GPN1: variants seen among roughly 807,000 people sequenced by gnomAD.
The protein encoded by GPN1 is GPN-loop GTPase 1.
In GPN1, 44 loss-of-function variants were observed where a neutral mutation model predicts 55.9. The ratio of observed to expected loss-of-function variants is 0.79; its 90% CI spans 0.62 to 1.01. GPN1 has a LOEUF of 1.01. GPN1 is among the 50% of genes least tolerant of loss of function. GPN1 has a pLI of 0.00. For missense variants in GPN1, 466 were observed against 462.8 expected, an observed-to-expected ratio of 1.01 and a Z score of -0.06; for synonymous variants, 179 against 162.5, an observed-to-expected ratio of 1.10 and a Z score of -0.77.
chr2:27,630,954 G>A, intron 2 of GPN1, 73 bp from the exon 3 acceptor site: 2 of 753,912 alleles, frequency 2.7e-6, no homozygotes, highest in Non-Finnish European at 4.8e-6. Flanking sequence ...AGGCTAGAAG[G>A]CCAGTTTTAC....
intron 12 of GPN1, among the ~76,000 whole-genome samples, chr2:27,646,406 A>G (rs747037646): frequency 5.9e-5 from 9 of 152,148 alleles, no homozygotes; most frequent in African/African-American, 1.2e-4. Context: ...GATTTTCTGG[A>G]CCGTTACATC....
chr2:27,633,344 C>T lies in GPN1; in HGVS notation c.350+674C>T, dbSNP rs144252020. On this transcript the variant is annotated intron_variant, in intron 5 of 13. Transcript: ENST00000610189. ...GTTTTGAGACAGGGTCTTGCTCTGT[C>T]GCCCAGGCTGGAGTACAGTGTAGTG... Among the ~76,000 whole-genome samples the T allele has an allele frequency of 7.8e-3, 1,192 of 152,240 alleles. 19 individuals carry two copies. Among genetic ancestry groups the T allele is most frequent in the African/African-American group, 0.024 (1,002 of 41,544 alleles).
Position 27,635,144 on chromosome 2 carries a change from C to T in GPN1, c.434C>T (p.Ser145Phe). The T allele has an allele frequency of 3.2e-6, 5 of 1,580,268 alleles. No homozygotes were observed. Among genetic ancestry groups the T allele is most frequent in the Non-Finnish European group, 4.3e-6 (5 of 1,151,674 alleles). ...SGTIITEALA[S>F]SFPTVVIYVM... ...TTGATTTTTTTGTGGCTTTAGGCAT[C>T]CTCATTTCCAACAGTTGTCATCTAT... Residue 145 changes from serine (S) to phenylalanine (F), a missense_variant, in exon 7 of 14, where the codon TCC becomes TTC. Ser to Phe is a radical substitution (Grantham distance 155). Transcript: ENST00000610189.
chr2:27,629,278 G>C, intron 1 of GPN1, 109 bp downstream of exon 1: 25 of 1,455,212 alleles, frequency 1.7e-5, no homozygotes, highest in Non-Finnish European at 2.4e-5. Context: ...CCGGCGCATG[G>C]CTTTCGGGGG....
intron 12 of GPN1, among the ~76,000 whole-genome samples, chr2:27,642,950 T>TACACACACACACACACAC (rs1375069534): frequency 1.3e-4 from 5 of 37,584 alleles, no homozygotes; most frequent in African/African-American, 2.7e-4. Flanking sequence ...GTTTTATATA[T>TACACACACACACACACAC]ATATATATAC....
intron 7 of GPN1, among the ~76,000 whole-genome samples, chr2:27,636,769 C>A (rs1413268523): frequency 6.6e-6 from 1 of 152,204 alleles, no homozygotes; most frequent in Non-Finnish European, 1.5e-5. Context: ...GCCACTGTGC[C>A]TGGCCCATTT....
At chr2:27,638,715 T>C (rs1460453626) in intron 8 of GPN1, among the ~76,000 whole-genome samples, 170 bp from the exon 9 acceptor site, 1 of 152,202 alleles carries the variant, frequency 6.6e-6, no homozygotes, top group Admixed American at 6.5e-5. Flanking sequence ...TTAATTACAC[T>C]GACTACACAA....
chr2:27,639,992 T>TA (rs754509288), intron 9 of GPN1, 51 bp from the exon 10 acceptor site: 2 of 1,175,476 alleles, frequency 1.7e-6, no homozygotes, highest in Non-Finnish European at 2.5e-6. Context: ...TGTACTTCAT[T>TA]AAAAAATATA....
rs910063077 is a variant in GPN1 at position 27,635,184 on chromosome 2, G to A, written c.474G>A (p.Ser158=). The change falls in exon 7 of 14, where the codon TCG becomes TCA. Residue 158 remains serine, a synonymous_variant. Coordinates refer to ENST00000610189, the MANE Select transcript of GPN1 (RefSeq NM_007266.4). ...PTVVIYVMDT[S]RSTNPVTFMS... is the part of the protein sequence containing the mutation. ...TTGTCATCTATGTAATGGACACATC[G>A]AGAAGTACCAACCCAGTGACCTTCA... is the stretch of plus-strand genomic sequence containing the variant. 6 of 1,606,436 alleles carry A rather than the reference G, an allele frequency of 3.7e-6. No homozygotes were observed. Among genetic ancestry groups the A allele is most frequent in the Non-Finnish European group, 4.3e-6 (5 of 1,173,632 alleles).
At position 27,640,721 on chromosome 2, in the gene GPN1, C is replaced by T. The variant is rs144558271; in HGVS notation, c.801-519C>T. On this transcript the variant is annotated intron_variant, in intron 10 of 13. Coordinates refer to ENST00000610189, the MANE Select transcript of GPN1 (RefSeq NM_007266.4). Reference sequence around the variant, plus strand: ...TTCCTTAGGCCTGTGGCATGATAGCCGGCTTATTAGTGTCATGTGTCTTTG... The same window carrying T: ...TTCCTTAGGCCTGTGGCATGATAGCTGGCTTATTAGTGTCATGTGTCTTTG... 5.6e-3 allele frequency among the ~76,000 whole-genome samples: 845 copies of T among 152,232 alleles called. 4 individuals carry two copies. The highest frequency in any genetic ancestry group is 6.8e-3 in the Admixed American group (104 of 15,292).
In GPN1 at chr2:27,642,409, AT is replaced by A; in HGVS notation, c.841-15del. 4 of 1,532,198 alleles carry A rather than the reference AT, an allele frequency of 2.6e-6. No individual in the cohort carries two copies. The highest frequency in any genetic ancestry group is 1.4e-5 in the African/African-American group (1 of 72,748). The allele number at this position is 1,532,198 out of a possible 1,614,324, so 94.9% of individuals were successfully genotyped here. A position where few individuals can be genotyped will look rare whatever the true frequency, so the allele number is the denominator to read the frequency against. ...GGGACTCCTTTTTGAATATGATGAC[AT>A]TTTTCTCTGTATATACAGGCCAACG... On this transcript the variant is annotated intron_variant, in intron 11 of 13. Coordinates refer to ENST00000610189, the MANE Select transcript of GPN1 (RefSeq NM_007266.4).
Position 27,629,052 on chromosome 2 carries a change from G to A in GPN1, c.-7G>A, listed in dbSNP as rs771357484. ...TCTATGGTCGGGTGGGTGGGGCCAG[G>A]AGGAAGATGGCGGCGTCCGCAGCTG... On this transcript the variant is annotated 5_prime_UTR_variant, in exon 1 of 14. Coordinates refer to ENST00000610189, the MANE Select transcript of GPN1 (RefSeq NM_007266.4). 1.9e-5 allele frequency: 31 copies of A among 1,614,076 alleles called. No individual in the cohort carries two copies. The highest frequency in any genetic ancestry group is 2.5e-5 in the Non-Finnish European group (29 of 1,180,042).
intron 5 of GPN1, among the ~76,000 whole-genome samples, chr2:27,634,159 T>A (rs1673647495): frequency 6.6e-6 from 1 of 152,194 alleles, no homozygotes; most frequent in South Asian, 2.1e-4. Context: ...CTAATGATAT[T>A]GAACATCTTT....
At chr2:27,639,500 G>A (rs2148072177) in intron 9 of GPN1, among the ~76,000 whole-genome samples, 1 of 152,202 alleles carries the variant, frequency 6.6e-6, no homozygotes, top group African/African-American at 2.4e-5. Flanking sequence ...TAATTGTTCA[G>A]TCCTAATTAT....
chr2:27,648,336 ATAGT>A (rs906643981), intron 13 of GPN1, among the ~76,000 whole-genome samples: 15 of 152,152 alleles, frequency 9.9e-5, no homozygotes, highest in African/African-American at 2.9e-4. Flanking sequence ...CCTGGGCAAC[ATAGT>A]TAGTCCCACT....
At position 27,647,925 on chromosome 2, in the gene GPN1, G is replaced by C. The variant is rs1188330500; in HGVS notation, c.1021G>C (p.Asp341His). 5.6e-6 allele frequency: 9 copies of C among 1,607,746 alleles called. No individual in the cohort carries two copies. Among genetic ancestry groups the C allele is most frequent in the Non-Finnish European group, 6.0e-6 (7 of 1,174,192 alleles). The change falls in exon 13 of 14, where the codon GAT becomes CAT. Residue 341 changes from aspartate (D) to histidine (H), a missense_variant. Coordinates refer to ENST00000610189, the MANE Select transcript of GPN1 (RefSeq NM_007266.4). Reference sequence around the variant, plus strand: ...GGATGAGGAAGCAGACAGCGATACTGATGACATTGACCACAGAGGTGAGAG... The same window carrying C: ...GGATGAGGAAGCAGACAGCGATACTCATGACATTGACCACAGAGGTGAGAG... ...EEDEEADSDT[D>H]DIDHRVTEES...
chr2:27,631,806 C>G, intron 3 of GPN1, 28 bp from the exon 4 acceptor site: 2 of 1,351,482 alleles, frequency 1.5e-6, no homozygotes, highest in South Asian at 2.3e-5. Context: ...AATCTATAAG[C>G]GATTTCAGTC....
intron 12 of GPN1, among the ~76,000 whole-genome samples, chr2:27,644,653 A>G (rs1674130273): frequency 6.7e-6 from 1 of 148,518 alleles, no homozygotes; most frequent in Non-Finnish European, 1.5e-5. Context: ...TATTTTTTTC[A>G]TAAATAGTTG....
intron 12 of GPN1, among the ~76,000 whole-genome samples, chr2:27,642,994 C>CACACACACAT (rs1444559015): frequency 1.3e-5 from 2 of 149,778 alleles, no homozygotes; most frequent in African/African-American, 2.5e-5. Flanking sequence ...CACACACACA[C>CACACACACAT]ATACATATGC....
Sources: gnomAD v4.1 joint callset for allele counts (sites outside exome capture counted in the v4.1 genomes callset) on GRCh38, gnomAD v4.1.1 for gene constraint, MANE v1.5 for transcripts, NCBI Gene and HGNC (gene_info 2026-07-23, HGNC 2026-07-21) for gene names.